The following KCNG3 variants were observed in gnomAD, a reference collection of about 807,000 sequenced individuals.
KCNG3 encodes the protein potassium voltage-gated channel modifier subfamily G member 3, also known as voltage-gated potassium channel regulatory subunit KCNG3.
Under a neutral mutation model 29.0 loss-of-function variants are expected in KCNG3, and 15 were observed. That is an observed-to-expected ratio of 0.52 (90% CI 0.35 to 0.80). The LOEUF (loss-of-function observed/expected upper bound fraction) is 0.80. KCNG3 is among the 30% of genes least tolerant of loss of function. The pLI, the probability that KCNG3 is intolerant of heterozygous loss-of-function variation, is 0.01. For missense variants in KCNG3, 512 were observed against 605.7 expected (o/e 0.85, Z 1.62); for synonymous variants, 322 against 248.9 (o/e 1.29, Z -2.76).
At chr2:42,429,423 T>G in the KCNG3 span, among the ~76,000 whole-genome samples, 5 of 152,210 alleles carry the variant, frequency 3.3e-5, no homozygotes, top group Admixed American at 6.5e-5. Flanking sequence ...TTATTTTTGT[T>G]ATAACTGTGG....
chr2:42,416,580 G>A, the KCNG3 span, among the ~76,000 whole-genome samples: 20,887 of 152,144 alleles, frequency 0.14, 1,457 homozygotes, highest in African/African-American at 0.16. Context: ...TGTAATCCCA[G>A]CACTTTGGGA....
chr2:42,484,814 T>G (rs1673681270), intron 1 of KCNG3, among the ~76,000 whole-genome samples: 1 of 152,254 alleles, frequency 6.6e-6, no homozygotes, highest in African/African-American at 2.4e-5. Flanking sequence ...TTCCACTGAA[T>G]TCTAAAATTG....
chr2:42,436,071 G>C, the KCNG3 span, among the ~76,000 whole-genome samples: 12 of 152,204 alleles, frequency 7.9e-5, no homozygotes, highest in African/African-American at 2.9e-4. Context: ...ATGATGTACT[G>C]ATACATGCTA....
chr2:42,466,421 C>G (rs1673142237), intron 1 of KCNG3, among the ~76,000 whole-genome samples: 1 of 152,086 alleles, frequency 6.6e-6, no homozygotes, highest in African/African-American at 2.4e-5. Context: ...CAAACAAAAA[C>G]AAAAACAAAA....
At chr2:42,473,283 G>A (rs761176238) in intron 1 of KCNG3, among the ~76,000 whole-genome samples, 22 of 151,874 alleles carry the variant, frequency 1.4e-4, no homozygotes, top group African/African-American at 3.9e-4. Flanking sequence ...TTTTTTATAT[G>A]CCTGAAAGAC....
At chr2:42,419,411 G>C in the KCNG3 span, among the ~76,000 whole-genome samples, 2 of 151,126 alleles carry the variant, frequency 1.3e-5, no homozygotes, top group Non-Finnish European at 3.0e-5. Context: ...CCAATTTTTT[G>C]TATTTTTAGT....
Position 42,459,403 on chromosome 2 carries a change from T to G in KCNG3, c.666-14824A>C, listed in dbSNP as rs1424522813. Reference sequence around the variant, plus strand: ...AGAGTCCTTTCTCACCCTCCCTGCCTGGCAAGTCAACTAATGTGCACAAAG... The same window carrying G: ...AGAGTCCTTTCTCACCCTCCCTGCCGGGCAAGTCAACTAATGTGCACAAAG... On this transcript the variant is annotated intron_variant, in intron 1 of 1. Transcript: ENST00000306078. Among the ~76,000 whole-genome samples, 6 of 152,290 alleles carry G rather than the reference T, an allele frequency of 3.9e-5. No homozygotes were observed. The East Asian group carries it at 1.2e-3, about 29-fold the overall frequency.
downstream of KCNG3, among the ~76,000 whole-genome samples, chr2:42,438,169 G>A (rs1464941097): frequency 1.3e-5 from 2 of 151,984 alleles, no homozygotes; most frequent in Admixed American, 1.3e-4. Flanking sequence ...ACAAATCATC[G>A]TATATTACTA....
chr2:42,393,790 T>C, the KCNG3 span, among the ~76,000 whole-genome samples: 1 of 151,960 alleles, frequency 6.6e-6, no homozygotes, highest in Admixed American at 6.6e-5. Context: ...TTCCCCCTTT[T>C]TTTTTCTCGA....
intron 1 of KCNG3, among the ~76,000 whole-genome samples, chr2:42,467,120 T>C (rs1020585901): frequency 2.0e-5 from 3 of 152,156 alleles, no homozygotes; most frequent in African/African-American, 7.2e-5. Flanking sequence ...TGTGAAAATT[T>C]AGGTGAAATG....
intron 1 of KCNG3, chr2:42,463,724 T>A (rs371366917): frequency 3.1e-5 from 6 of 194,228 alleles, no homozygotes; most frequent in East Asian, 3.6e-4. Flanking sequence ...TCAGTCCACA[T>A]GCAAGCTGAT....
rs1672515216 is a variant in KCNG3, at chr2:42,442,844, A to G, written c.*1090T>C. ...AGTTTTGGTGTAGCTGTGATTCACA[A>G]TAGTTAAAGATCAGATCAAATCATT... On this transcript the variant is annotated 3_prime_UTR_variant, in exon 2 of 2. Coordinates refer to ENST00000306078, the MANE Select transcript of KCNG3 (RefSeq NM_133329.6). The G allele has an allele frequency of 6.6e-6, 1 of 152,182 alleles. No individual in the cohort carries two copies. The highest frequency in any genetic ancestry group is 6.5e-5 in the Admixed American group (1 of 15,274). 9.4% of individuals were successfully genotyped at this position (152,182 alleles called of 1,614,324 possible).
the KCNG3 span, among the ~76,000 whole-genome samples, chr2:42,400,395 G>C: frequency 9.2e-5 from 14 of 152,146 alleles, no homozygotes; most frequent in African/African-American, 3.4e-4. Context: ...TTCAAAGCCA[G>C]GTTATGAGAG....
In KCNG3 at chr2:42,444,125, C is replaced by G; in HGVS notation, c.1120G>C (p.Val374Leu). 4.3e-6 allele frequency: 7 copies of G among 1,614,170 alleles called. No homozygotes were observed. Among genetic ancestry groups the G allele is most frequent in the Non-Finnish European group, 5.9e-6 (7 of 1,180,020 alleles). The change falls in exon 2 of 2, where the codon GTT becomes CTT. Residue 374 changes from valine (V) to leucine (L), a missense_variant. Val to Leu is a conservative substitution (Grantham distance 32). This residue lies in a region of KCNG3 where 173 missense variants were observed against 262.4 expected (regional missense o/e 0.66). Transcript: ENST00000306078. The surrounding 1 kb of genome is among the most constrained non-coding windows in gnomAD (Gnocchi z 5.8). ...ATAGGATACATATCTCCATAGCCAA[C>G]TGTAGTCATAGAGATAATCACCCAC... ...CWWVIISMTT[V>L]GYGDMYPITV...
the KCNG3 span, among the ~76,000 whole-genome samples, chr2:42,423,018 C>T: frequency 6.6e-6 from 1 of 152,168 alleles, no homozygotes; most frequent in Non-Finnish European, 1.5e-5. Flanking sequence ...CTAGCTTCCA[C>T]TTCCATCTTA....
At chr2:42,482,565 A>T (rs1673615586) in intron 1 of KCNG3, among the ~76,000 whole-genome samples, 1 of 152,206 alleles carries the variant, frequency 6.6e-6, no homozygotes, top group Non-Finnish European at 1.5e-5. Flanking sequence ...TCTACTAAAA[A>T]TACAAAAATT....
chr2:42,484,514 ATATG>A (rs1673672966), intron 1 of KCNG3, among the ~76,000 whole-genome samples: 1 of 152,196 alleles, frequency 6.6e-6, no homozygotes, highest in South Asian at 2.1e-4. Flanking sequence ...GTGTGTATAT[ATATG>A]TAATTGTATA....
chr2:42,440,337 T>G (rs1459224500), downstream of KCNG3: 1 of 152,178 alleles, frequency 6.6e-6, no homozygotes, highest in Admixed American at 6.5e-5. Flanking sequence ...CACAGCTGAA[T>G]AGTAATACAG....
At chr2:42,461,430 C>T (rs1673015118) in intron 1 of KCNG3, among the ~76,000 whole-genome samples, 1 of 152,072 alleles carries the variant, frequency 6.6e-6, no homozygotes, top group Admixed American at 6.5e-5. Context: ...TCAGGGTGCA[C>T]TTCTCTTCAC....
Sources: gnomAD v4.1 joint callset for allele counts (sites outside exome capture counted in the v4.1 genomes callset) on GRCh38, gnomAD v4.1.1 for gene constraint, gnomAD v4.1.1 regional missense constraint, Gnocchi (gnomAD v3.1) non-coding constraint, MANE v1.5 for transcripts, NCBI Gene and HGNC (gene_info 2026-07-23, HGNC 2026-07-21) for gene names.